The following SCN8A variants were observed in gnomAD, a reference collection of about 807,000 sequenced individuals.
The protein encoded by SCN8A is sodium channel protein type 8 subunit alpha.
A neutral mutation model predicts 184.1 loss-of-function variants in SCN8A; 30 were observed. That is an observed-to-expected ratio of 0.16 (90% CI 0.12 to 0.22). The LOEUF (loss-of-function observed/expected upper bound fraction) is 0.22, where lower values mean the gene tolerates loss of function less well. Ranked by LOEUF, SCN8A falls within the 10% of genes least tolerant of loss-of-function variation. SCN8A has a pLI of 1.00. For missense variants in SCN8A, 1,057 were observed against 2,498.9 expected (o/e 0.42, Z 12.30); for synonymous variants, 852 against 907.0 (o/e 0.94, Z 1.09).
At chr12:51,771,010 G>A (rs570144695) in intron 19 of SCN8A, among the ~76,000 whole-genome samples, 3 of 152,256 alleles carry the variant, frequency 2.0e-5, no homozygotes, top group Non-Finnish European at 4.4e-5. Flanking sequence ...AGTTACCCAG[G>A]ATGGGAGGGA....
chr12:51,803,537 G>A (rs1454691023), intron 26 of SCN8A, among the ~76,000 whole-genome samples: 1 of 151,922 alleles, frequency 6.6e-6, no homozygotes, highest in African/African-American at 2.4e-5. Flanking sequence ...ACCACCTACA[G>A]TACCCCTTAA....
Position 51,806,224 on chromosome 12 carries a change from TAAAGAG to T in SCN8A, c.4796-53_4796-48del. Reference sequence around the variant, plus strand: ...GTTCCACAATGCCAGGTAAAAAAAATAAAGAGAAAGGGTGTCTCCCATCTCAATAAC... The same window carrying T: ...GTTCCACAATGCCAGGTAAAAAAAATAAAGGGTGTCTCCCATCTCAATAAC... On this transcript the variant is annotated intron_variant, in intron 26 of 26. Transcript: ENST00000627620. This position sits in a 1 kb window ranked among gnomAD's most constrained non-coding sequence, Gnocchi z 8.7. The T allele has an allele frequency of 6.9e-7, 1 of 1,455,190 alleles. No individual in the cohort carries two copies. The highest frequency in any genetic ancestry group is 9.2e-7 in the Non-Finnish European group (1 of 1,092,692). The allele number at this position is 1,455,190 out of a possible 1,614,324, so 90.1% of individuals were successfully genotyped here. A position where few individuals can be genotyped will look rare whatever the true frequency, so the allele number is the denominator to read the frequency against.
At chr12:51,749,996 G>A (rs544330362) in intron 13 of SCN8A, among the ~76,000 whole-genome samples, 22 of 152,164 alleles carry the variant, frequency 1.4e-4, no homozygotes, top group Non-Finnish European at 2.4e-4. Context: ...CCTGGCAGTT[G>A]TATTTCATGC....
chr12:51,766,573 A>G (rs890665965), intron 16 of SCN8A, among the ~76,000 whole-genome samples: 3 of 152,368 alleles, frequency 2.0e-5, no homozygotes, highest in African/African-American at 7.2e-5. Context: ...ATTGCCCTCC[A>G]TTGAGAGCCA....
At chr12:51,775,773 G>A (rs1297375971) in intron 20 of SCN8A, among the ~76,000 whole-genome samples, 1 of 152,188 alleles carries the variant, frequency 6.6e-6, no homozygotes, top group Admixed American at 6.5e-5. Flanking sequence ...GGACTACCTG[G>A]CGTCAGGTGG....
At chr12:51,744,598 C>T (rs563120200) in intron 12 of SCN8A, among the ~76,000 whole-genome samples, 22 of 150,112 alleles carry the variant, frequency 1.5e-4, no homozygotes, top group Non-Finnish European at 2.4e-4. Flanking sequence ...ATCAGTGAAA[C>T]GGTCTGATGA....
At chr12:51,620,520 C>T (rs1022375008) in intron 1 of SCN8A, among the ~76,000 whole-genome samples, 6 of 151,490 alleles carry the variant, frequency 4.0e-5, no homozygotes, top group African/African-American at 1.2e-4. Context: ...GGGATGAGCA[C>T]GTATTAGTTT....
intron 1 of SCN8A, among the ~76,000 whole-genome samples, chr12:51,658,338 A>AT (rs1416877292): frequency 1.3e-5 from 2 of 151,962 alleles, no homozygotes; most frequent in Non-Finnish European, 2.9e-5. Flanking sequence ...TCCTGGTTAA[A>AT]TTTATTCCTA....
chr12:51,595,965 T>G (rs1939340018), intron 1 of SCN8A, among the ~76,000 whole-genome samples: 1 of 152,164 alleles, frequency 6.6e-6, no homozygotes, highest in Non-Finnish European at 1.5e-5. Flanking sequence ...CCAAAGTACC[T>G]CTTGCCTTGT....
intron 10 of SCN8A, 42 bp downstream of exon 10, chr12:51,705,665 A>G (rs747304264): frequency 3.3e-5 from 51 of 1,542,998 alleles, no homozygotes; most frequent in Admixed American, 9.2e-5. Flanking sequence ...CTGCCAGATC[A>G]TGGTGACTAA....
chr12:51,711,152 A>G (rs959309891), intron 11 of SCN8A, among the ~76,000 whole-genome samples: 1 of 152,204 alleles, frequency 6.6e-6, no homozygotes, highest in Non-Finnish European at 1.5e-5. Context: ...CCTTGTCTTG[A>G]GAGACTCACT....
intron 26 of SCN8A, among the ~76,000 whole-genome samples, chr12:51,802,891 T>G (rs1202751777): frequency 3.3e-5 from 5 of 152,310 alleles, no homozygotes; most frequent in East Asian, 1.9e-4. Context: ...TTAGCATTTT[T>G]GGGTCTAATC....
At chr12:51,636,635 T>C (rs1157349365) in intron 1 of SCN8A, among the ~76,000 whole-genome samples, 2 of 152,228 alleles carry the variant, frequency 1.3e-5, no homozygotes, top group Non-Finnish European at 2.9e-5. Flanking sequence ...TTAAGAGATA[T>C]TAAAATCAAT....
At chr12:51,791,325 T>A (rs2138913332) in intron 25 of SCN8A, among the ~76,000 whole-genome samples, 2 of 152,208 alleles carry the variant, frequency 1.3e-5, no homozygotes, top group Middle Eastern at 6.8e-3. Flanking sequence ...TCCAGAACGT[T>A]TTCTCCCCTC....
intron 1 of SCN8A, among the ~76,000 whole-genome samples, chr12:51,633,234 T>C (rs151041531): frequency 5.4e-4 from 82 of 152,338 alleles, no homozygotes; most frequent in African/African-American, 1.5e-3. Context: ...CTGGTATGTG[T>C]GTGCATACTC....
rs1257697903 is a variant in SCN8A, at chr12:51,794,631, C to A, written c.4785C>A (p.Leu1595=). The A allele has an allele frequency of 6.2e-7, 1 of 1,613,702 alleles. No homozygotes were observed. ...WNIFDFVVVI[L]SIVGMFLADI... ...TCTTCGACTTCGTGGTAGTCATCCT[C>A]TCCATTGTGGGTGAGTGGGGTTGGG... is the stretch of plus-strand genomic sequence containing the variant. Residue 1595 remains leucine (L), a synonymous_variant, in exon 26 of 27, where the codon CTC becomes CTA. Transcript: ENST00000627620.
intron 12 of SCN8A, among the ~76,000 whole-genome samples, chr12:51,745,092 G>A (rs554279213): frequency 9.9e-5 from 15 of 152,252 alleles, no homozygotes; most frequent in South Asian, 2.1e-4. Context: ...TCACAAGAAC[G>A]TAAGTCAGGG....
At position 51,706,562 on chromosome 12, in the gene SCN8A, G is replaced by C; in HGVS notation, c.1482G>C (p.Arg494Ser). 1 of 1,608,210 alleles carries C rather than the reference G, an allele frequency of 6.2e-7. No individual in the cohort carries two copies. Among genetic ancestry groups the C allele is most frequent in the Non-Finnish European group, 8.5e-7 (1 of 1,177,166 alleles). ...SSKSAKERRN[R>S]RKKRKQKELS... ...AGAGTGCAAAGGAAAGACGTAACAG[G>C]AGAAAGAAGAGGAAGCAAAAGGAAC... Residue 494 changes from arginine (R) to serine (S), a missense_variant, in exon 11 of 27, where the codon AGG becomes AGC. This residue lies in a region of SCN8A where 322 missense variants were observed against 390.1 expected (regional missense o/e 0.83). Coordinates refer to ENST00000627620, the MANE Select transcript of SCN8A (RefSeq NM_001330260.2).
chr12:51,599,607 A>G (rs149855838), intron 1 of SCN8A, among the ~76,000 whole-genome samples: 157 of 152,338 alleles, frequency 1.0e-3, no homozygotes, highest in African/African-American at 3.5e-3. Flanking sequence ...TTTAGAGAGT[A>G]TAGAATGACA....
Sources: gnomAD v4.1 joint callset for allele counts (sites outside exome capture counted in the v4.1 genomes callset) on GRCh38, gnomAD v4.1.1 for gene constraint, gnomAD v4.1.1 regional missense constraint, Gnocchi (gnomAD v3.1) non-coding constraint, MANE v1.5 for transcripts, NCBI Gene and HGNC (gene_info 2026-07-23, HGNC 2026-07-21) for gene names.